The following IL23R variants were observed in gnomAD, a reference collection of about 807,000 sequenced individuals.
IL23R encodes the protein interleukin 23 receptor.
In IL23R, 34 loss-of-function variants were observed where a neutral mutation model predicts 56.9. That is an observed-to-expected ratio of 0.60 (90% CI 0.45 to 0.80). The LOEUF is 0.80. Ranked by LOEUF, IL23R falls within the 30% of genes least tolerant of loss-of-function variation. The pLI, the probability that IL23R is intolerant of heterozygous loss-of-function variation, is 0.00. For synonymous variants in IL23R, 230 were observed against 249.2 expected, an observed-to-expected ratio of 0.92 and a Z score of 0.73; for missense variants, 635 against 730.0, an observed-to-expected ratio of 0.87 and a Z score of 1.50.
At chr1:67,181,361 T>G (rs192777964) in intron 3 of IL23R, among the ~76,000 whole-genome samples, 124 of 152,334 alleles carry the variant, frequency 8.1e-4, no homozygotes, top group African/African-American at 2.8e-3. Flanking sequence ...TAAACTTCTC[T>G]TCTCACTTCA....
At chr1:67,248,338 G>A (rs1370566377) in intron 9 of IL23R, among the ~76,000 whole-genome samples, 2 of 151,938 alleles carry the variant, frequency 1.3e-5, no homozygotes, top group Non-Finnish European at 2.9e-5. Context: ...CTCTGATCTT[G>A]TCTTCTTGCT....
chr1:67,178,786 C>T (rs538171653), intron 3 of IL23R, among the ~76,000 whole-genome samples: 6 of 152,264 alleles, frequency 3.9e-5, no homozygotes, highest in African/African-American at 1.2e-4. Flanking sequence ...TTTTGAGATA[C>T]GTCCCACTAA....
chr1:67,239,425 G>A (rs1447851283), intron 8 of IL23R, among the ~76,000 whole-genome samples: 31 of 151,988 alleles, frequency 2.0e-4, no homozygotes, highest in Admixed American at 1.6e-3. Flanking sequence ...CACCACACCC[G>A]GCTAATTTTT....
intron 9 of IL23R, among the ~76,000 whole-genome samples, chr1:67,243,861 C>A (rs536846593): frequency 7.2e-5 from 11 of 152,092 alleles, no homozygotes; most frequent in African/African-American, 2.2e-4. Flanking sequence ...TATTTCTGAT[C>A]CTAGATCCTT....
At chr1:67,194,777 A>C (rs1293257564) in intron 4 of IL23R, among the ~76,000 whole-genome samples, 1 of 152,210 alleles carries the variant, frequency 6.6e-6, no homozygotes, top group Non-Finnish European at 1.5e-5. Context: ...ATTTACACAT[A>C]GTTGCCATTT....
intron 3 of IL23R, among the ~76,000 whole-genome samples, chr1:67,179,825 T>C (rs34103474): frequency 1.3e-5 from 2 of 152,222 alleles, no homozygotes; most frequent in Non-Finnish European, 2.9e-5. Flanking sequence ...TGTGTCTTTG[T>C]TCTCGTTGGT....
intron 10 of IL23R, among the ~76,000 whole-genome samples, chr1:67,257,183 C>T (rs891639943): frequency 1.3e-5 from 2 of 152,180 alleles, no homozygotes; most frequent in African/African-American, 4.8e-5. Context: ...CTTAGGGCTT[C>T]CCTCAGATAA....
At chr1:67,243,472 T>C (rs7527919) in intron 9 of IL23R, among the ~76,000 whole-genome samples, 118,509 of 151,610 alleles carry the variant, frequency 0.78, 47,224 homozygotes, top group African/African-American at 0.92. Context: ...CTCCTACCCC[T>C]TGACAGGCCC....
At position 67,258,743 on chromosome 1, in the gene IL23R, A is replaced by G. The variant is rs748364447; in HGVS notation, c.1505A>G (p.Asn502Ser). Residue 502 changes from asparagine to serine, a missense_variant, in exon 11 of 11, where the codon AAT (asparagine) becomes AGT (serine). Physicochemically the swap from Asn to Ser is conservative, Grantham distance 46 (BLOSUM62 1). Transcript: ENST00000347310. Reference protein sequence around the residue: ...LPEGSHLSNNNEITSLTLKPP... With the variant: ...LPEGSHLSNNSEITSLTLKPP... ...GAGGGAAGCCATCTCAGCAATAATA[A>G]TGAAATTACTTCCTTAACACTTAAA... The G allele has an allele frequency of 5.7e-5, 92 of 1,613,118 alleles. No individual in the cohort carries two copies. The highest frequency in any genetic ancestry group is 1.6e-4 in the Middle Eastern group (1 of 6,078).
chr1:67,205,919 CTTTCTT>C (rs750259625), intron 5 of IL23R, among the ~76,000 whole-genome samples: 33 of 117,402 alleles, frequency 2.8e-4, no homozygotes, highest in East Asian at 5.2e-4. Flanking sequence ...TTCTTTCTTT[CTTTCTT>C]TTTCTTTCTT....
rs560966046 is a variant in IL23R at position 67,182,045 on chromosome 1, G to T, written c.368-791G>T. ...TGTGACGTGTCAGTCTGCCCCTACTGGGGGGTGCCTCCCAGTTAGGCTACT... is the reference window on the plus strand; with the variant it reads ...TGTGACGTGTCAGTCTGCCCCTACTTGGGGGTGCCTCCCAGTTAGGCTACT... On this transcript the variant is annotated intron_variant, in intron 3 of 10. Coordinates refer to ENST00000347310, the MANE Select transcript of IL23R (RefSeq NM_144701.3). 1.8e-4 allele frequency among the ~76,000 whole-genome samples: 28 copies of T among 152,312 alleles called. No individual in the cohort carries two copies. In the East Asian group the frequency reaches 4.6e-3, roughly 25 times the overall value.
chr1:67,194,491 C>G (rs1647988016), intron 4 of IL23R, among the ~76,000 whole-genome samples: 1 of 152,196 alleles, frequency 6.6e-6, no homozygotes, highest in Admixed American at 6.5e-5. Context: ...CACAATATCA[C>G]AAGTTCTATA....
chr1:67,233,516 G>A (rs767126854), intron 7 of IL23R, among the ~76,000 whole-genome samples: 1 of 152,184 alleles, frequency 6.6e-6, no homozygotes, highest in Admixed American at 6.5e-5. Flanking sequence ...GTCCTTTTGA[G>A]TGGATTTGAT....
chr1:67,258,175 ATAAGT>A (rs1653053521), intron 10 of IL23R, among the ~76,000 whole-genome samples: 1 of 152,206 alleles, frequency 6.6e-6, no homozygotes, highest in African/African-American at 2.4e-5. Flanking sequence ...GTAATAAGTA[ATAAGT>A]TAATATATAA....
chr1:67,185,409 T>C (rs567295778), intron 4 of IL23R, among the ~76,000 whole-genome samples: 2 of 152,288 alleles, frequency 1.3e-5, no homozygotes, highest in East Asian at 3.9e-4. Flanking sequence ...AAAAATCTTT[T>C]TATTTATTTA....
intron 6 of IL23R, among the ~76,000 whole-genome samples, chr1:67,214,780 T>A (rs1570863897): frequency 6.6e-6 from 1 of 152,188 alleles, no homozygotes; most frequent in Non-Finnish European, 1.5e-5. Flanking sequence ...TGTTTTATAT[T>A]TTTTTATACT....
At chr1:67,176,705 T>C (rs779238656) in intron 3 of IL23R, among the ~76,000 whole-genome samples, 1 of 152,184 alleles carries the variant, frequency 6.6e-6, no homozygotes, top group African/African-American at 2.4e-5. Flanking sequence ...TTCATACATA[T>C]ACATGTGCCA....
chr1:67,162,556 A>G (rs563147472), upstream of IL23R, among the ~76,000 whole-genome samples: 1 of 152,362 alleles, frequency 6.6e-6, no homozygotes, highest in South Asian at 2.1e-4. Context: ...CAGAGATCCA[A>G]AATGGGCTCA....
At chr1:67,189,138 G>A (rs1295586259) in intron 4 of IL23R, among the ~76,000 whole-genome samples, 1 of 151,886 alleles carries the variant, frequency 6.6e-6, no homozygotes, top group Non-Finnish European at 1.5e-5. Context: ...CTTATTTTTT[G>A]TATGTCAATA....
Sources: gnomAD v4.1 joint callset for allele counts (sites outside exome capture counted in the v4.1 genomes callset) on GRCh38, gnomAD v4.1.1 for gene constraint, MANE v1.5 for transcripts, NCBI Gene and HGNC (gene_info 2026-07-23, HGNC 2026-07-21) for gene names.